PRELID2: variants seen among roughly 807,000 people sequenced by gnomAD.
PRELID2 encodes PRELI domain-containing protein 2.
PRELID2 carries 25 observed loss-of-function variants against 28.4 expected under a neutral mutation model. That is an observed-to-expected ratio of 0.88 (90% confidence interval 0.64 to 1.23). The LOEUF (loss-of-function observed/expected upper bound fraction) is 1.23, where lower values mean the gene tolerates loss of function less well. PRELID2 is among the 50% of genes most tolerant of loss of function. The pLI is 0.00. For synonymous variants in PRELID2, 76 were observed against 71.6 expected, an observed-to-expected ratio of 1.06 and a Z score of -0.31; for missense variants, 201 against 214.4, an observed-to-expected ratio of 0.94 and a Z score of 0.39.
At chr5:145,573,952 T>C (rs79847815) in intron 1 of PRELID2, among the ~76,000 whole-genome samples, 2,102 of 152,302 alleles carry the variant, frequency 0.014, 45 homozygotes, top group African/African-American at 0.047. Context: ...TCACCAGAGA[T>C]GTCTTTTCTC....
chr5:145,343,427 T>C, the PRELID2 span, among the ~76,000 whole-genome samples: 10 of 151,594 alleles, frequency 6.6e-5, no homozygotes, highest in Non-Finnish European at 1.2e-4. Flanking sequence ...CAATAACCAT[T>C]TGAGTCAACA....
the PRELID2 span, among the ~76,000 whole-genome samples, chr5:145,357,759 AT>A: frequency 6.6e-6 from 1 of 152,018 alleles, no homozygotes; most frequent in Non-Finnish European, 1.5e-5. Context: ...CGGCCATTTT[AT>A]CCTGGTTAAG....
At chr5:145,379,503 C>A in the PRELID2 span, among the ~76,000 whole-genome samples, 2 of 152,224 alleles carry the variant, frequency 1.3e-5, no homozygotes, top group Admixed American at 6.5e-5. Flanking sequence ...CTGTGCCCAG[C>A]AAGCAAGAGT....
At chr5:145,727,954 A>G (rs1756221697) in intron 1 of PRELID2, among the ~76,000 whole-genome samples, 1 of 152,192 alleles carries the variant, frequency 6.6e-6, no homozygotes, top group Non-Finnish European at 1.5e-5. Flanking sequence ...ACTGGAGAGA[A>G]AAGAAAGAGC....
the PRELID2 span, among the ~76,000 whole-genome samples, chr5:145,284,443 CG>C: frequency 6.6e-6 from 1 of 151,942 alleles, no homozygotes; most frequent in African/African-American, 2.4e-5. Context: ...CAGTCACAGC[CG>C]GGCAAGAAAT....
chr5:145,420,194 G>C, the PRELID2 span, among the ~76,000 whole-genome samples: 1 of 152,116 alleles, frequency 6.6e-6, no homozygotes, highest in Admixed American at 6.6e-5. Context: ...TTTTGGCTTA[G>C]GATTGACTTG....
chr5:145,708,452 GT>G (rs1429973040), intron 1 of PRELID2, among the ~76,000 whole-genome samples: 1 of 151,828 alleles, frequency 6.6e-6, no homozygotes, highest in African/African-American at 2.4e-5. Flanking sequence ...CAGCTCTAAT[GT>G]AATTTTATTA....
the PRELID2 span, among the ~76,000 whole-genome samples, chr5:145,345,275 C>T: frequency 6.6e-6 from 1 of 151,978 alleles, no homozygotes; most frequent in Non-Finnish European, 1.5e-5. Context: ...AGGACAGCCC[C>T]TCTCTTCAAG....
intron 1 of PRELID2, among the ~76,000 whole-genome samples, chr5:145,508,298 T>TTA (rs1561496162): frequency 3.2e-5 from 3 of 95,002 alleles, no homozygotes; most frequent in East Asian, 9.9e-4. Flanking sequence ...ATAGATAGAT[T>TTA]AAAAAATGTA....
At chr5:145,403,606 G>T in the PRELID2 span, among the ~76,000 whole-genome samples, 1 of 152,172 alleles carries the variant, frequency 6.6e-6, no homozygotes, top group Non-Finnish European at 1.5e-5. Context: ...CTGGGTAAAA[G>T]AAGGAAAGTT....
At chr5:145,783,659 G>C (rs903986782) in intron 5 of PRELID2, among the ~76,000 whole-genome samples, 1 of 152,118 alleles carries the variant, frequency 6.6e-6, no homozygotes, top group Admixed American at 6.5e-5. Flanking sequence ...CTCTGGAATA[G>C]GGAAAAAATA....
intron 1 of PRELID2, among the ~76,000 whole-genome samples, chr5:145,528,118 A>C (rs561819769): frequency 4.1e-4 from 63 of 152,252 alleles, no homozygotes; most frequent in Admixed American, 2.1e-3. Context: ...CTCAGGAAAG[A>C]CTTCTTAGAC....
At chr5:145,664,930 C>T (rs17103583) in intron 1 of PRELID2, among the ~76,000 whole-genome samples, 31,356 of 151,864 alleles carry the variant, frequency 0.21, 5,916 homozygotes, top group African/African-American at 0.5. Flanking sequence ...TTTAAAGCTG[C>T]GACCTCAAGG....
chr5:145,408,314 G>T, the PRELID2 span, among the ~76,000 whole-genome samples: 253 of 151,036 alleles, frequency 1.7e-3, 4 homozygotes, highest in East Asian at 0.039. Context: ...TCTCTAAATT[G>T]CCAGGTAAAT....
the PRELID2 span, among the ~76,000 whole-genome samples, chr5:145,378,770 T>C: frequency 2.0e-5 from 3 of 152,188 alleles, no homozygotes; most frequent in Non-Finnish European, 4.4e-5. Context: ...TATTCATATT[T>C]TGAATTCTAT....
At chr5:145,622,632 T>A (rs1422788539) in intron 1 of PRELID2, among the ~76,000 whole-genome samples, 1 of 152,164 alleles carries the variant, frequency 6.6e-6, no homozygotes, top group African/African-American at 2.4e-5. Context: ...GGAGTTAAAG[T>A]ATTATGATTT....
At chr5:145,623,008 T>C (rs1753792693) in intron 1 of PRELID2, among the ~76,000 whole-genome samples, 1 of 152,034 alleles carries the variant, frequency 6.6e-6, no homozygotes, top group African/African-American at 2.4e-5. Flanking sequence ...ATATCCCTTT[T>C]CCACAAATTT....
chr5:145,319,934 T>G, the PRELID2 span, among the ~76,000 whole-genome samples: 1 of 152,132 alleles, frequency 6.6e-6, no homozygotes, highest in Non-Finnish European at 1.5e-5. Flanking sequence ...CTGCCTTTTG[T>G]CAATACCATT....
At chr5:145,357,891 G>A in the PRELID2 span, among the ~76,000 whole-genome samples, 1 of 151,110 alleles carries the variant, frequency 6.6e-6, no homozygotes. Context: ...CCTTCAATCT[G>A]TGAAGTTGCT....
Sources: gnomAD v4.1 joint callset for allele counts (sites outside exome capture counted in the v4.1 genomes callset) on GRCh38, gnomAD v4.1.1 for gene constraint, MANE v1.5 for transcripts, NCBI Gene and HGNC (gene_info 2026-07-23, HGNC 2026-07-21) for gene names.